MRPL4: variants seen among roughly 807,000 people sequenced by gnomAD.
The protein encoded by MRPL4 is mitochondrial ribosomal protein L4.
Under a neutral mutation model 34.1 loss-of-function variants are expected in MRPL4, and 34 were observed. The observed-to-expected ratio is 1.00, with a 90% CI of 0.76 to 1.33. MRPL4 has a LOEUF of 1.33. MRPL4 is among the 40% of genes most tolerant of loss of function. The pLI is 0.00. For missense variants in MRPL4, 402 were observed against 434.6 expected, an observed-to-expected ratio of 0.92 and a Z score of 0.67; for synonymous variants, 196 against 188.3, an observed-to-expected ratio of 1.04 and a Z score of -0.33.
chr19:10,257,287 C>G (rs1168068574), intron 5 of MRPL4, among the ~76,000 whole-genome samples: 1 of 152,108 alleles, frequency 6.6e-6, no homozygotes, highest in Non-Finnish European at 1.5e-5. Flanking sequence ...AGAGATGACT[C>G]TCTCTTGTTT....
At position 10,258,738 on chromosome 19, in the gene MRPL4, G is replaced by A. The variant is rs779715011; in HGVS notation, c.739+53G>A. The stretch of plus-strand genomic sequence containing the variant: ...TGCGCATGTGCAGGCTCCGCTGTTA[G>A]AATCACAGCGGTTCAAATCCGGCAT... On this transcript the variant is annotated intron_variant, in intron 8 of 8. Coordinates refer to ENST00000253099, the MANE Select transcript of MRPL4 (RefSeq NM_015956.3). 3 of 1,613,824 alleles carry A rather than the reference G, an allele frequency of 1.9e-6. No homozygotes were observed. In the East Asian group the frequency reaches 6.7e-5, roughly 36 times the overall value.
chr19:10,255,553 A>G (rs2039842740), intron 4 of MRPL4: 1 of 152,608 alleles, frequency 6.6e-6, no homozygotes, highest in African/African-American at 2.4e-5. Context: ...GGCAGGGACC[A>G]CAAGGAAGCC....
At position 10,256,792 on chromosome 19, in the gene MRPL4, C is replaced by T. The variant is rs1230606879; in HGVS notation, c.412C>T (p.His138Tyr). Residue 138 changes from histidine to tyrosine, a missense_variant, in exon 5 of 9, where the codon CAT becomes TAT. By Grantham distance (83) the His-to-Tyr change is moderately conservative. Coordinates refer to ENST00000253099, the MANE Select transcript of MRPL4 (RefSeq NM_015956.3). ...WPQKGTGRAR[H>Y]GSIRSPLWRG... The stretch of plus-strand genomic sequence containing the variant: ...GCAGAAAGGCACTGGGCGGGCCCGG[C>T]ATGGCAGCATCCGCTCTCCGCTCTG... 7.1e-7 allele frequency: 1 copy of T among 1,402,294 alleles called. No individual in the cohort carries two copies. Among genetic ancestry groups the T allele is most frequent in the Non-Finnish European group, 9.5e-7 (1 of 1,057,974 alleles). The allele number at this position is 1,402,294 out of a possible 1,614,324, so 86.9% of individuals were successfully genotyped here.
intron 4 of MRPL4, 107 bp downstream of exon 4, chr19:10,254,747 G>T: frequency 1.7e-6 from 2 of 1,189,438 alleles, no homozygotes; most frequent in South Asian, 2.7e-5. Flanking sequence ...TGCTCGGCTG[G>T]GGCCTCATCT....
rs771115770 is a variant in MRPL4, at chr19:10,252,226, C to A, written c.-28C>A. 69 of 1,581,728 alleles carry A rather than the reference C, an allele frequency of 4.4e-5. No individual in the cohort carries two copies. The highest frequency in any genetic ancestry group is 5.2e-5 in the Non-Finnish European group (61 of 1,166,958). ...CTCGCGAGGCTCCAGTGGCCTTGACCTCCCGCGGCGTGGGAGGCTGCGCGG... is the reference window on the plus strand; with the variant it reads ...CTCGCGAGGCTCCAGTGGCCTTGACATCCCGCGGCGTGGGAGGCTGCGCGG... On this transcript the variant is annotated 5_prime_UTR_variant, in exon 1 of 9. Coordinates refer to ENST00000253099, the MANE Select transcript of MRPL4 (RefSeq NM_015956.3).
intron 3 of MRPL4, 55 bp from the exon 4 acceptor site, chr19:10,254,534 G>T (rs749059209): frequency 1.4e-4 from 218 of 1,601,054 alleles, no homozygotes; most frequent in Non-Finnish European, 1.9e-4. Flanking sequence ...TCCTATAGTG[G>T]GGTGGGAGCG....
In MRPL4 at chr19:10,252,587, C is replaced by T. The variant is rs2039803908; in HGVS notation, c.161C>T (p.Pro54Leu). The T allele has an allele frequency of 6.2e-7, 1 of 1,613,058 alleles. No homozygotes were observed. The highest frequency in any genetic ancestry group is 8.5e-7 in the Non-Finnish European group (1 of 1,179,796). ...PEPVLRKVEL[P>L]VPTHRRPVQA... is the part of the protein sequence containing the mutation. ...CCCGTGCTGCGCAAAGTCGAGCTCC[C>T]GGTACCCACTCATCGACGCCCAGTG... Residue 54 changes from proline to leucine, a missense_variant, in exon 3 of 9, where the codon CCG (proline) becomes CTG (leucine). Pro to Leu is a moderately conservative substitution (Grantham distance 98, BLOSUM62 -3). Coordinates refer to ENST00000253099, the MANE Select transcript of MRPL4 (RefSeq NM_015956.3).
At chr19:10,254,456 A>T in intron 3 of MRPL4, 133 bp from the exon 4 acceptor site, 1 of 928,136 alleles carries the variant, frequency 1.1e-6, no homozygotes, top group Non-Finnish European at 1.7e-6. Flanking sequence ...GAATTTCAAG[A>T]TGGGGTCAGT....
intron 8 of MRPL4, chr19:10,259,194 T>TA: frequency 5.2e-6 from 6 of 1,164,162 alleles, no homozygotes; most frequent in Non-Finnish European, 6.3e-6. Context: ...GACATGAGCC[T>TA]AAGTCAAGTC....
rs1028992774 is a variant in MRPL4 at position 10,258,972 on chromosome 19, C to T, written c.739+287C>T. ...TAAAAAAGTTAGGCGTGGCGATGTG[C>T]ACCTGTAGTCCCAGCTACTCGGGGG... On this transcript the variant is annotated intron_variant, in intron 8 of 8. Coordinates refer to ENST00000253099, the MANE Select transcript of MRPL4 (RefSeq NM_015956.3). The T allele has an allele frequency of 2.3e-4, 331 of 1,409,522 alleles. 1 individual carries two copies. The highest frequency in any genetic ancestry group is 1.3e-3 in the Middle Eastern group (5 of 3,828). 87.3% of individuals were successfully genotyped at this position (1,409,522 alleles called of 1,614,324 possible).
chr19:10,259,425 G>T (rs1364340175), intron 8 of MRPL4, 192 bp from the exon 9 acceptor site: 1 of 1,418,164 alleles, frequency 7.1e-7, no homozygotes, highest in South Asian at 1.5e-5. Context: ...GCTGGGAGCA[G>T]CTCCTTGGCC....
At position 10,252,464 on chromosome 19, in the gene MRPL4, G is replaced by A. The variant is rs769824667; in HGVS notation, c.124+1G>A. On this transcript the variant is annotated splice_donor_variant, in intron 2 of 8. Coordinates refer to ENST00000253099, the MANE Select transcript of MRPL4 (RefSeq NM_015956.3). LOFTEE classifies it high-confidence loss of function. ...AACCCGGAGCAGGTGGCGAGCGAGGGTAAGGCAACCGGGGTGGCTCCAGGA... is the reference window on the plus strand; with the variant it reads ...AACCCGGAGCAGGTGGCGAGCGAGGATAAGGCAACCGGGGTGGCTCCAGGA... 5.6e-6 allele frequency: 9 copies of A among 1,613,932 alleles called. No individual in the cohort carries two copies. The highest frequency in any genetic ancestry group is 7.6e-6 in the Non-Finnish European group (9 of 1,179,980).
Position 10,259,785 on chromosome 19 carries a change from GC to G in MRPL4, c.911del (p.Pro304GlnfsTer15). 1 of 1,613,210 alleles carries G rather than the reference GC, an allele frequency of 6.2e-7. No homozygotes were observed. Among genetic ancestry groups the G allele is most frequent in the South Asian group, 1.1e-5 (1 of 91,014 alleles). The stretch of plus-strand genomic sequence containing the variant: ...CGACCCCTACCCCACGCTACCCAGG[GC>G]CCAGCGGCCACCCCGTACCACTGTT... The part of the protein sequence containing the change: ...FPRPLPHATQ[G>X]PAATPYHC On this transcript the variant is annotated frameshift_variant, in exon 9 of 9. Transcript: ENST00000253099. LOFTEE classifies it high-confidence loss of function.
intron 4 of MRPL4, 139 bp from the exon 5 acceptor site, chr19:10,256,569 C>A: frequency 1.5e-6 from 1 of 659,660 alleles, no homozygotes; most frequent in Non-Finnish European, 2.6e-6. Flanking sequence ...CCCCCTCGCT[C>A]CCCAAGTACT....
At chr19:10,258,128 C>G in intron 5 of MRPL4, 94 bp from the exon 6 acceptor site, 1 of 865,960 alleles carries the variant, frequency 1.2e-6, no homozygotes, top group Admixed American at 2.1e-5. Flanking sequence ...GCAGCGCCCC[C>G]TCTCTCGTCA....
chr19:10,255,233 C>T (rs1308018943), intron 4 of MRPL4: 1 of 152,340 alleles, frequency 6.6e-6, no homozygotes, highest in Non-Finnish European at 1.5e-5. Flanking sequence ...GTAATCCCAG[C>T]ACTGGAAGCT....
At chr19:10,256,925 T>C (rs955667564) in intron 5 of MRPL4, 100 bp downstream of exon 5, 20 of 993,926 alleles carry the variant, frequency 2.0e-5, no homozygotes, top group Non-Finnish European at 2.8e-5. Context: ...CATGGTATTA[T>C]GTCAGCCCTG....
At chr19:10,254,777 G>T in intron 4 of MRPL4, 137 bp downstream of exon 4, 1 of 758,264 alleles carries the variant, frequency 1.3e-6, no homozygotes, top group East Asian at 2.8e-5. Context: ...ACTATTCACC[G>T]ATGGGTCCAT....
rs560148153 is a variant in MRPL4, at chr19:10,256,734, C to G, written c.354C>G (p.Ala118=). 97 of 1,606,928 alleles carry G rather than the reference C, an allele frequency of 6.0e-5. No individual in the cohort carries two copies. In the Admixed American group the frequency reaches 1.1e-3, roughly 19 times the overall value. ...RISYAKTKTR[A]EVRGGGRKPW... ...GCTATGCCAAGACCAAGACGAGAGC[C>G]GAGGTGCGGGGCGGTGGCCGGAAGC... Residue 118 remains alanine, a synonymous_variant, in exon 5 of 9, where the codon GCC becomes GCG. Coordinates refer to ENST00000253099, the MANE Select transcript of MRPL4 (RefSeq NM_015956.3).
Sources: allele counts gnomAD v4.1 joint callset (sites outside exome capture counted in the v4.1 genomes callset), GRCh38; gene constraint gnomAD v4.1.1; transcripts MANE v1.5; gene names NCBI Gene and HGNC (gene_info 2026-07-23, HGNC 2026-07-21).